Variants in DSCAM observed in about 807,000 individuals in gnomAD.
DSCAM encodes the protein cell adhesion molecule DSCAM.
A neutral mutation model predicts 217.7 loss-of-function variants in DSCAM; 47 were observed. The observed-to-expected ratio is 0.22, with a 90% CI of 0.17 to 0.28. The LOEUF is 0.28. Ranked by LOEUF, DSCAM falls within the 10% of genes least tolerant of loss-of-function variation. DSCAM has a pLI of 1.00. For missense variants in DSCAM, 2,080 were observed against 2,618.3 expected (o/e 0.79, Z 4.49); for synonymous variants, 1,056 against 1,015.3 (o/e 1.04, Z -0.76).
intron 3 of DSCAM, among the ~76,000 whole-genome samples, chr21:40,550,958 T>G (rs1464659228): frequency 6.6e-6 from 1 of 152,252 alleles, no homozygotes; most frequent in African/African-American, 2.4e-5. Flanking sequence ...ACTCAGCTAC[T>G]TGTTACAGTG....
In DSCAM at chr21:40,074,452, G is replaced by A. The variant is rs1000674189; in HGVS notation, c.4888+585C>T. On this transcript the variant is annotated intron_variant, in intron 27 of 32. Coordinates refer to ENST00000400454, the MANE Select transcript of DSCAM (RefSeq NM_001389.5). Reference sequence around the variant, plus strand: ...GCTGAGAACAGCCTCATCACAGAACGACACGGGGCTGGACATTATAATCAT... The same window carrying A: ...GCTGAGAACAGCCTCATCACAGAACAACACGGGGCTGGACATTATAATCAT... Among the ~76,000 whole-genome samples the A allele has an allele frequency of 2.0e-5, 3 of 152,186 alleles. No individual in the cohort carries two copies. In the South Asian group the frequency reaches 6.2e-4, roughly 32 times the overall value.
chr21:40,616,585 C>T (rs1268499758), intron 3 of DSCAM, among the ~76,000 whole-genome samples: 2 of 152,126 alleles, frequency 1.3e-5, no homozygotes, highest in Non-Finnish European at 2.9e-5. Flanking sequence ...CTTTGGAGGC[C>T]ACTGCTGGGT....
intron 30 of DSCAM, among the ~76,000 whole-genome samples, chr21:40,046,787 G>A (rs28582765): frequency 6.6e-5 from 10 of 151,704 alleles, no homozygotes; most frequent in Non-Finnish European, 5.9e-5. Context: ...TGGTTGGGGG[G>A]TATAGTTTGC....
At chr21:40,729,481 G>C (rs1216543605) in intron 1 of DSCAM, among the ~76,000 whole-genome samples, 1 of 152,176 alleles carries the variant, frequency 6.6e-6, no homozygotes, top group Non-Finnish European at 1.5e-5. Flanking sequence ...GCTTGGGCTA[G>C]GTATGCCGTG....
chr21:40,578,038 A>G (rs1003809454), intron 3 of DSCAM, among the ~76,000 whole-genome samples: 1 of 152,188 alleles, frequency 6.6e-6, no homozygotes, highest in Non-Finnish European at 1.5e-5. Flanking sequence ...AAACAAGCCT[A>G]AAAACAGAGT....
intron 5 of DSCAM, 101 bp downstream of exon 5, chr21:40,353,364 G>C: frequency 6.7e-7 from 1 of 1,487,670 alleles, no homozygotes; most frequent in Middle Eastern, 2.4e-4. Flanking sequence ...ACTGTTTTGG[G>C]AGTTAATGGA....
At chr21:40,685,872 G>T (rs62224164) in intron 3 of DSCAM, among the ~76,000 whole-genome samples, 12,311 of 152,098 alleles carry the variant, frequency 0.081, 514 homozygotes, top group East Asian at 0.11. Flanking sequence ...TAATATCCTG[G>T]CATTGTATTG....
intron 11 of DSCAM, among the ~76,000 whole-genome samples, chr21:40,240,792 C>T (rs945392584): frequency 1.3e-5 from 2 of 152,162 alleles, no homozygotes; most frequent in African/African-American, 2.4e-5. Context: ...TGCCACTGAT[C>T]CCCTTGTAAC....
chr21:40,490,964 G>A (rs1054493693), intron 3 of DSCAM, among the ~76,000 whole-genome samples: 3 of 152,258 alleles, frequency 2.0e-5, no homozygotes, highest in African/African-American at 7.2e-5. Flanking sequence ...ACATGGATGA[G>A]CTCCATTATT....
chr21:40,551,197 T>C (rs2076626782), intron 3 of DSCAM, among the ~76,000 whole-genome samples: 1 of 152,188 alleles, frequency 6.6e-6, no homozygotes, highest in African/African-American at 2.4e-5. Context: ...TTACACGTCT[T>C]AGGGAAACAT....
Position 40,200,874 on chromosome 21 carries a change from C to G in DSCAM, c.2357-11636G>C, listed in dbSNP as rs2091062716. 2.0e-5 allele frequency among the ~76,000 whole-genome samples: 3 copies of G among 152,294 alleles called. No individual in the cohort carries two copies. The South Asian group carries it at 6.2e-4, about 32-fold the overall frequency. On this transcript the variant is annotated intron_variant, in intron 11 of 32. Transcript: ENST00000400454. ...CCACAGAAACACCAAGTGTGATTAT[C>G]CCTGCTGCAGAATCAAAAATTTCTC...
chr21:40,822,392 T>G (rs1347910406), intron 1 of DSCAM, among the ~76,000 whole-genome samples: 1 of 150,532 alleles, frequency 6.6e-6, no homozygotes. Flanking sequence ...CTAACTAAAT[T>G]GGATTATTCA....
At chr21:40,576,833 T>C (rs895341318) in intron 3 of DSCAM, among the ~76,000 whole-genome samples, 1 of 152,014 alleles carries the variant, frequency 6.6e-6, no homozygotes, top group Non-Finnish European at 1.5e-5. Flanking sequence ...CTAATAATCA[T>C]AAAAAGGGCT....
chr21:40,744,744 A>G (rs997354401), intron 1 of DSCAM, among the ~76,000 whole-genome samples: 1 of 152,190 alleles, frequency 6.6e-6, no homozygotes, highest in South Asian at 2.1e-4. Flanking sequence ...TAAAAAAAAC[A>G]AAACAACAAC....
chr21:40,204,582 C>G (rs1319872916), intron 11 of DSCAM, among the ~76,000 whole-genome samples: 1 of 152,128 alleles, frequency 6.6e-6, no homozygotes, highest in African/African-American at 2.4e-5. Context: ...GGACAACTGA[C>G]TTAGAGAGGC....
At chr21:40,375,107 AATC>A (rs1457903842) in intron 3 of DSCAM, among the ~76,000 whole-genome samples, 1 of 152,188 alleles carries the variant, frequency 6.6e-6, no homozygotes, top group Non-Finnish European at 1.5e-5. Context: ...TCTCAAAATT[AATC>A]ATTTCTTGTC....
chr21:40,029,743 T>C (rs1429440385), intron 32 of DSCAM, among the ~76,000 whole-genome samples: 1 of 152,190 alleles, frequency 6.6e-6, no homozygotes, highest in Non-Finnish European at 1.5e-5. Flanking sequence ...TCTGTCATGT[T>C]GGCTCTGAAA....
chr21:40,416,295 G>A (rs1012476573), intron 3 of DSCAM, among the ~76,000 whole-genome samples: 1 of 151,954 alleles, frequency 6.6e-6, no homozygotes, highest in Admixed American at 6.6e-5. Flanking sequence ...TGTACTGATC[G>A]CTTGACCCAC....
intron 1 of DSCAM, among the ~76,000 whole-genome samples, chr21:40,805,365 C>G (rs1247120541): frequency 1.3e-5 from 2 of 152,176 alleles, no homozygotes; most frequent in African/African-American, 4.8e-5. Flanking sequence ...ATGAGGCTGA[C>G]CAGTAATCAT....
Sources: allele counts gnomAD v4.1 joint callset (sites outside exome capture counted in the v4.1 genomes callset), GRCh38; gene constraint gnomAD v4.1.1; transcripts MANE v1.5; gene names NCBI Gene and HGNC (gene_info 2026-07-23, HGNC 2026-07-21).